MLXIP: variants seen among roughly 807,000 people sequenced by gnomAD.
The protein encoded by MLXIP is MLX-interacting protein.
Under a neutral mutation model 87.2 loss-of-function variants are expected in MLXIP, and 30 were observed. The ratio of observed to expected loss-of-function variants is 0.34; its 90% CI spans 0.26 to 0.47. The LOEUF is 0.47. Ranked by LOEUF, MLXIP falls within the 20% of genes least tolerant of loss-of-function variation. MLXIP has a pLI of 1.00. For synonymous variants in MLXIP, 530 were observed against 514.0 expected (o/e 1.03, Z -0.42); for missense variants, 1,002 against 1,240.1 (o/e 0.81, Z 2.88).
intron 1 of MLXIP, among the ~76,000 whole-genome samples, chr12:122,081,533 G>T (rs1355513659): frequency 6.6e-6 from 1 of 152,130 alleles, no homozygotes; most frequent in Non-Finnish European, 1.5e-5. Context: ...GGTTGAGATC[G>T]GAGGCAACGC....
intron 2 of MLXIP, 150 bp from the exon 3 acceptor site, chr12:122,127,733 T>G: frequency 1.5e-6 from 1 of 675,826 alleles, no homozygotes; most frequent in South Asian, 1.7e-5. Flanking sequence ...CTGGACTCCT[T>G]TATTTCCCTG....
At chr12:122,113,078 G>C (rs1048242177) in intron 1 of MLXIP, among the ~76,000 whole-genome samples, 41 of 152,056 alleles carry the variant, frequency 2.7e-4, no homozygotes, top group African/African-American at 9.7e-4. Flanking sequence ...ATGTCTGTGG[G>C]GAAATGGTTA....
intron 1 of MLXIP, among the ~76,000 whole-genome samples, chr12:122,091,012 T>C (rs1481801325): frequency 1.3e-5 from 2 of 151,972 alleles, no homozygotes; most frequent in African/African-American, 4.8e-5. Context: ...GAGGCTGTGA[T>C]GAAAATGTTC....
Position 122,137,437 on chromosome 12 carries a change from C to G in MLXIP, c.2033-32C>G. 6.3e-7 allele frequency: 1 copy of G among 1,599,560 alleles called. No individual in the cohort carries two copies. The highest frequency in any genetic ancestry group is 8.5e-7 in the Non-Finnish European group (1 of 1,172,546). ...TCCTGGTGGCGTTGAGGGGCCAGGC[C>G]TCCGCCCCTCAGAGGAGTCTGTTCT... On this transcript the variant is annotated intron_variant, in intron 11 of 16. Transcript: ENST00000319080. This position sits in a 1 kb window ranked among gnomAD's most constrained non-coding sequence, Gnocchi z 4.1.
In MLXIP at chr12:122,079,064, C is replaced by G. The variant is rs1435850788; in HGVS notation, c.211C>G (p.Pro71Ala). 5.9e-6 allele frequency: 9 copies of G among 1,522,026 alleles called. No individual in the cohort carries two copies. Among genetic ancestry groups the G allele is most frequent in the Non-Finnish European group, 6.2e-6 (7 of 1,136,722 alleles). 94.3% of individuals were successfully genotyped at this position (1,522,026 alleles called of 1,614,324 possible). A position where few individuals can be genotyped will look rare whatever the true frequency, so the allele number is the denominator to read the frequency against. Residue 71 changes from proline (P) to alanine (A), a missense_variant, in exon 1 of 17, where the codon CCG (proline) becomes GCG (alanine). Coordinates refer to ENST00000319080, the MANE Select transcript of MLXIP (RefSeq NM_014938.6). ...PRAGPGREEP[P>A]RRQQIIHSGH... Reference sequence around the variant, plus strand: ...GGCCGGGCCGGGCCGCGAGGAACCTCCGCGCCGCCAGCAGATCATCCACAG... The same window carrying G: ...GGCCGGGCCGGGCCGCGAGGAACCTGCGCGCCGCCAGCAGATCATCCACAG...
chr12:122,085,709 A>C (rs1354523367), intron 1 of MLXIP, among the ~76,000 whole-genome samples: 2 of 152,070 alleles, frequency 1.3e-5, no homozygotes, highest in African/African-American at 4.8e-5. Context: ...GACAAACACA[A>C]CCTTTGTGGA....
intron 1 of MLXIP, among the ~76,000 whole-genome samples, chr12:122,105,362 T>C (rs945842536): frequency 2.0e-5 from 3 of 152,112 alleles, no homozygotes; most frequent in Admixed American, 6.6e-5. Context: ...GGTTTTTTTT[T>C]TGGAGACGGA....
intron 1 of MLXIP, among the ~76,000 whole-genome samples, chr12:122,109,756 C>T (rs966903818): frequency 2.6e-5 from 4 of 152,176 alleles, no homozygotes; most frequent in Non-Finnish European, 4.4e-5. Context: ...GAAGAGGATG[C>T]AAAGGAGAGA....
intron 15 of MLXIP, 54 bp downstream of exon 15, chr12:122,138,992 C>A (rs918060781): frequency 6.8e-6 from 11 of 1,605,876 alleles, no homozygotes; most frequent in Non-Finnish European, 9.4e-6. Context: ...TGCACTGAAG[C>A]CACAGACCGT....
intron 1 of MLXIP, among the ~76,000 whole-genome samples, chr12:122,083,161 G>A (rs550931146): frequency 1.3e-5 from 2 of 152,228 alleles, no homozygotes; most frequent in African/African-American, 4.8e-5. Context: ...GTACCTTTTT[G>A]TGGTTGGTTT....
At chr12:122,139,566 ACAGT>A (rs1180243605) in intron 15 of MLXIP, among the ~76,000 whole-genome samples, 1 of 152,214 alleles carries the variant, frequency 6.6e-6, no homozygotes, top group East Asian at 1.9e-4. Flanking sequence ...CAAGGGTCTG[ACAGT>A]CAGAGGTGAC....
chr12:122,136,459 C>CAAAAAAAAAAAAAAAAA lies in MLXIP; in HGVS notation c.2032+800_2032+816dup, dbSNP rs1224302321. ...GAAACCTTGTCCCTATCAAAAAATG[C>CAAAAAAAAAAAAAAAAA]AAAAAAAAAAAAAAAAAAAAAAAGC... is the stretch of plus-strand genomic sequence containing the variant. On this transcript the variant is annotated intron_variant, in intron 11 of 16. Transcript: ENST00000319080. The CAAAAAAAAAAAAAAAAA allele has an allele frequency of 2.8e-4, 8 of 28,158 alleles. 1 individual carries two copies. The highest frequency in any genetic ancestry group is 4.1e-4 in the Admixed American group (1 of 2,426). 1.7% of individuals were successfully genotyped at this position (28,158 alleles called of 1,614,324 possible).
chr12:122,131,912 CTTTTTTTTTTTTTTT>C lies in MLXIP; in HGVS notation c.1001-365_1001-351del, dbSNP rs60691591. ...CAGGCATGGTGGTTGTGGTTGGCAC[CTTTTTTTTTTTTTTT>C]TTTTTTTTTTTTTTGAGACGGGAAT... On this transcript the variant is annotated intron_variant, in intron 7 of 16. Transcript: ENST00000319080. Among the ~76,000 whole-genome samples the C allele has an allele frequency of 8.1e-5, 6 of 73,992 alleles. No homozygotes were observed. In the East Asian group the frequency reaches 1.3e-3, roughly 16 times the overall value. 48.5% of individuals were successfully genotyped at this position (73,992 alleles called of 152,430 possible). A position where few individuals can be genotyped will look rare whatever the true frequency, so the allele number is the denominator to read the frequency against.
At chr12:122,093,759 A>G (rs1412528028) in intron 1 of MLXIP, among the ~76,000 whole-genome samples, 90 of 58,682 alleles carry the variant, frequency 1.5e-3, no homozygotes, top group Admixed American at 2.6e-3. Flanking sequence ...GTGTGGGTGT[A>G]GTGTGTGTGT....
chr12:122,137,888 A>G lies in MLXIP; in HGVS notation c.2154+298A>G, dbSNP rs1229934611. 6.6e-6 allele frequency among the ~76,000 whole-genome samples: 1 copy of G among 152,118 alleles called. No homozygotes were observed. Among genetic ancestry groups the G allele is most frequent in the Non-Finnish European group, 1.5e-5 (1 of 68,024 alleles). ...GCAGGAGGGGTGTGGCCACCACCAGAGCTGTGCTGTGGGGAGGAGGCAGGG... is the reference window on the plus strand; with the variant it reads ...GCAGGAGGGGTGTGGCCACCACCAGGGCTGTGCTGTGGGGAGGAGGCAGGG... On this transcript the variant is annotated intron_variant, in intron 12 of 16. Transcript: ENST00000319080. This position sits in a 1 kb window ranked among gnomAD's most constrained non-coding sequence, Gnocchi z 4.1.
At chr12:122,097,047 G>A (rs1952363625) in intron 1 of MLXIP, among the ~76,000 whole-genome samples, 1 of 152,238 alleles carries the variant, frequency 6.6e-6, no homozygotes, top group Non-Finnish European at 1.5e-5. Flanking sequence ...TGGCTTGGCA[G>A]CCTTGCTTCT....
intron 1 of MLXIP, among the ~76,000 whole-genome samples, chr12:122,112,281 T>A (rs554125269): frequency 1.2e-4 from 18 of 152,322 alleles, no homozygotes; most frequent in Middle Eastern, 3.4e-3. Flanking sequence ...GTGAGCTGTG[T>A]AAAGAACTAA....
chr12:122,113,951 C>G lies in MLXIP; in HGVS notation c.414-13305C>G, dbSNP rs895252373. Among the ~76,000 whole-genome samples, 23 of 149,248 alleles carry G rather than the reference C, an allele frequency of 1.5e-4. 1 individual carries two copies. The highest frequency in any genetic ancestry group is 9.4e-4 in the Admixed American group (14 of 14,924). Reference sequence around the variant, plus strand: ...CCGCCCGCCTCGGCCTCCCAAAGTGCTGGGATTACAGGCGTGAGCCACTGC... The same window carrying G: ...CCGCCCGCCTCGGCCTCCCAAAGTGGTGGGATTACAGGCGTGAGCCACTGC... On this transcript the variant is annotated intron_variant, in intron 1 of 16. Transcript: ENST00000319080.
chr12:122,090,784 A>G (rs1049207482), intron 1 of MLXIP, among the ~76,000 whole-genome samples: 6 of 152,352 alleles, frequency 3.9e-5, no homozygotes, highest in African/African-American at 1.4e-4. Context: ...ATTGAAAACA[A>G]CTTTTGCAAT....
Sources: allele counts gnomAD v4.1 joint callset (sites outside exome capture counted in the v4.1 genomes callset), GRCh38; gene constraint gnomAD v4.1.1; non-coding constraint Gnocchi (gnomAD v3.1); transcripts MANE v1.5; gene names NCBI Gene and HGNC (gene_info 2026-07-23, HGNC 2026-07-21).